STIM1: variants seen among roughly 807,000 people sequenced by gnomAD.
The protein encoded by STIM1 is stromal interaction molecule 1.
STIM1 carries 25 observed loss-of-function variants against 74.7 expected under a neutral mutation model. The ratio of observed to expected loss-of-function variants is 0.33; its 90% CI spans 0.24 to 0.47. The LOEUF is 0.47. Ranked by LOEUF, STIM1 falls within the 20% of genes least tolerant of loss-of-function variation. The pLI is 1.00. For synonymous variants in STIM1, 328 were observed against 348.8 expected (o/e 0.94, Z 0.66); for missense variants, 728 against 920.8 (o/e 0.79, Z 2.71).
At chr11:3,899,705 T>G (rs1590544143) in intron 1 of STIM1, among the ~76,000 whole-genome samples, 1 of 150,684 alleles carries the variant, frequency 6.6e-6, no homozygotes, top group Admixed American at 6.6e-5. Flanking sequence ...ATACCTAATT[T>G]ATTGAGAGTT....
intron 1 of STIM1, among the ~76,000 whole-genome samples, chr11:3,871,399 G>A (rs1565096530): frequency 6.6e-6 from 1 of 152,108 alleles, no homozygotes; most frequent in Non-Finnish European, 1.5e-5. Context: ...CTTTGGTTTA[G>A]TACACAAGTT....
At chr11:3,948,145 T>G (rs897865551) in intron 1 of STIM1, among the ~76,000 whole-genome samples, 1 of 152,142 alleles carries the variant, frequency 6.6e-6, no homozygotes, top group African/African-American at 2.4e-5. Flanking sequence ...GGGAGACTTA[T>G]AGGGCGCGGA....
intron 1 of STIM1, among the ~76,000 whole-genome samples, chr11:3,869,607 T>G (rs2091002048): frequency 1.3e-5 from 2 of 152,132 alleles, no homozygotes; most frequent in Non-Finnish European, 2.9e-5. Flanking sequence ...TAGTTTAGAT[T>G]GGCTGGAGAG....
At chr11:4,053,399 C>T (rs1352771629) in intron 3 of STIM1, among the ~76,000 whole-genome samples, 3 of 152,090 alleles carry the variant, frequency 2.0e-5, no homozygotes, top group African/African-American at 7.2e-5. Context: ...TACTATGCAG[C>T]CATAAAAAAG....
intron 2 of STIM1, among the ~76,000 whole-genome samples, chr11:4,007,441 C>T (rs1590642798): frequency 6.6e-6 from 1 of 152,248 alleles, no homozygotes; most frequent in South Asian, 2.1e-4. Flanking sequence ...GTGGTAATGC[C>T]TACTTCAAGT....
chr11:3,880,823 C>G (rs2091472018), intron 1 of STIM1, among the ~76,000 whole-genome samples: 1 of 152,100 alleles, frequency 6.6e-6, no homozygotes, highest in Non-Finnish European at 1.5e-5. Context: ...ATGACCTGGT[C>G]TGTCTGGAAA....
chr11:3,930,155 G>GA (rs1449786058), intron 1 of STIM1, among the ~76,000 whole-genome samples: 3 of 151,678 alleles, frequency 2.0e-5, no homozygotes, highest in Admixed American at 6.6e-5. Context: ...GGATGGGATT[G>GA]AAAAAAAACC....
chr11:3,897,735 A>C (rs1186129551), intron 1 of STIM1, among the ~76,000 whole-genome samples: 1 of 151,932 alleles, frequency 6.6e-6, no homozygotes, highest in Admixed American at 6.6e-5. Context: ...TCATTGTTCA[A>C]TTCCCACCTA....
chr11:4,090,472 A>G (rs560288186), intron 12 of STIM1, among the ~76,000 whole-genome samples: 2 of 152,196 alleles, frequency 1.3e-5, no homozygotes, highest in South Asian at 2.1e-4. Context: ...ATACCTATCT[A>G]TGACCTCCTT....
intron 2 of STIM1, among the ~76,000 whole-genome samples, chr11:3,994,904 C>T (rs2093650063): frequency 6.6e-6 from 1 of 152,132 alleles, no homozygotes; most frequent in Admixed American, 6.5e-5. Flanking sequence ...ATTCTTCCTG[C>T]TGCCAGTTCA....
chr11:4,051,172 T>C (rs1250073237), intron 3 of STIM1, among the ~76,000 whole-genome samples: 1 of 152,128 alleles, frequency 6.6e-6, no homozygotes, highest in African/African-American at 2.4e-5. Flanking sequence ...GTGAACGGTG[T>C]CACTGTAACT....
At position 4,060,606 on chromosome 11, in the gene STIM1, A is replaced by T. The variant is rs148170122; in HGVS notation, c.613+1210A>T. ...ATTGGTAGGTTTTGAATAACGACAC[A>T]GTGAATGGTTCTACTCTTTATGTAA... On this transcript the variant is annotated intron_variant, in intron 5 of 12. Transcript: ENST00000526596. 5.7e-3 allele frequency among the ~76,000 whole-genome samples: 866 copies of T among 152,318 alleles called. 10 individuals carry two copies. Among genetic ancestry groups the T allele is most frequent in the African/African-American group, 0.02 (838 of 41,570 alleles).
rs193029195 is a variant in STIM1 at position 4,052,809 on chromosome 11, G to A, written c.386-2717G>A. ...CATCAGAGTGAACAGGCAACCTACA[G>A]AATGGGAGAAAAGTTTTGCAATATA... On this transcript the variant is annotated intron_variant, in intron 3 of 12. Coordinates refer to ENST00000526596, the MANE Select transcript of STIM1 (RefSeq NM_001382567.1). 7.7e-4 allele frequency among the ~76,000 whole-genome samples: 118 copies of A among 152,266 alleles called. 1 individual carries two copies. In the East Asian group the frequency reaches 0.017, roughly 22 times the overall value.
chr11:3,859,102 C>G (rs1396082861), intron 1 of STIM1, among the ~76,000 whole-genome samples: 2 of 152,158 alleles, frequency 1.3e-5, no homozygotes, highest in African/African-American at 4.8e-5. Flanking sequence ...TGCAGGGGCC[C>G]AGAGAATTTG....
intron 1 of STIM1, among the ~76,000 whole-genome samples, chr11:3,904,613 G>A (rs2092431067): frequency 6.6e-6 from 1 of 152,158 alleles, no homozygotes; most frequent in Admixed American, 6.6e-5. Flanking sequence ...TATAACTAGA[G>A]GCAGGGAAGG....
At chr11:4,022,630 G>A (rs1237496434) in intron 2 of STIM1, among the ~76,000 whole-genome samples, 3 of 152,082 alleles carry the variant, frequency 2.0e-5, no homozygotes, top group Non-Finnish European at 2.9e-5. Flanking sequence ...TTATTGTGTT[G>A]AGGTATATTC....
At chr11:4,019,208 A>T (rs1469935530) in intron 2 of STIM1, 1 of 152,218 alleles carries the variant, frequency 6.6e-6, no homozygotes, top group Non-Finnish European at 1.5e-5. Context: ...GAAGAAAATG[A>T]AGTCAGCTTC....
At chr11:3,962,934 C>T (rs543870932) in intron 1 of STIM1, among the ~76,000 whole-genome samples, 2 of 152,114 alleles carry the variant, frequency 1.3e-5, no homozygotes, top group South Asian at 4.2e-4. Context: ...GTTTTACTTT[C>T]CTTTTTTAAT....
intron 12 of STIM1, chr11:4,089,097 A>T: frequency 3.5e-6 from 1 of 284,314 alleles, no homozygotes; most frequent in Non-Finnish European, 7.1e-6. Flanking sequence ...TTAGTTGGGC[A>T]TGGTGGCACA....
Sources: gnomAD v4.1 joint callset for allele counts (sites outside exome capture counted in the v4.1 genomes callset) on GRCh38, gnomAD v4.1.1 for gene constraint, MANE v1.5 for transcripts, NCBI Gene and HGNC (gene_info 2026-07-23, HGNC 2026-07-21) for gene names.